The following NSD1 variants were observed in gnomAD, a reference collection of about 807,000 sequenced individuals.
NSD1 encodes the protein histone-lysine N-methyltransferase, H3 lysine-36 specific.
Under a neutral mutation model 242.7 loss-of-function variants are expected in NSD1, and 26 were observed. The observed-to-expected ratio is 0.11, with a 90% CI of 0.08 to 0.15. The LOEUF (loss-of-function observed/expected upper bound fraction) is 0.15. Ranked by LOEUF, NSD1 falls within the 10% of genes least tolerant of loss-of-function variation. The probability of loss-of-function intolerance (pLI) is 1.00; values close to 1 mark genes in which losing one functional copy is unlikely to be tolerated. For synonymous variants in NSD1, 1,106 were observed against 1,178.1 expected (o/e 0.94, Z 1.25); for missense variants, 2,495 against 3,272.8 (o/e 0.76, Z 5.80).
chr5:177,221,559 G>A (rs936398851), intron 5 of NSD1, among the ~76,000 whole-genome samples: 5 of 147,210 alleles, frequency 3.4e-5, no homozygotes, highest in African/African-American at 1.0e-4. Flanking sequence ...GCAAACTCCC[G>A]GGTTCAAGCA....
chr5:177,144,242 G>A (rs1757056076), intron 2 of NSD1, among the ~76,000 whole-genome samples: 1 of 151,176 alleles, frequency 6.6e-6, no homozygotes. Flanking sequence ...TTCTTTCTGA[G>A]ACAGGGTCTT....
intron 2 of NSD1, among the ~76,000 whole-genome samples, chr5:177,186,128 T>TAC: frequency 1.6e-5 from 2 of 124,072 alleles, no homozygotes; most frequent in Non-Finnish European, 3.2e-5. Flanking sequence ...TTATATATAA[T>TAC]ATATATATGT....
At chr5:177,194,542 C>T (rs1056719312) in intron 3 of NSD1, among the ~76,000 whole-genome samples, 7 of 146,656 alleles carry the variant, frequency 4.8e-5, no homozygotes, top group Non-Finnish European at 8.9e-5. Context: ...CTTGGCCTTC[C>T]GGAGTGCTGG....
chr5:177,261,212 G>A (rs1330521527), intron 14 of NSD1, among the ~76,000 whole-genome samples: 4 of 149,912 alleles, frequency 2.7e-5, no homozygotes, highest in Non-Finnish European at 5.9e-5. Context: ...TGGGATTACA[G>A]GCGTTCAACA....
chr5:177,136,806 G>T, intron 2 of NSD1: 2 of 597,922 alleles, frequency 3.3e-6, no homozygotes, highest in Middle Eastern at 2.6e-4. Context: ...GTTTTGTTTT[G>T]TTTTATTTTA....
chr5:177,200,611 A>C lies in NSD1; in HGVS notation c.1064-3509A>C, dbSNP rs563778803. On this transcript the variant is annotated intron_variant, in intron 3 of 22. Transcript: ENST00000439151. ...CCACTGTTCTGTGTTTTTTTTCCTTATAAATTTGACTATTTTAGATACCAC... is the reference window on the plus strand; with the variant it reads ...CCACTGTTCTGTGTTTTTTTTCCTTCTAAATTTGACTATTTTAGATACCAC... 1.2e-4 allele frequency among the ~76,000 whole-genome samples: 18 copies of C among 152,142 alleles called. No homozygotes were observed. In the South Asian group the frequency reaches 3.3e-3, roughly 28 times the overall value.
At chr5:177,265,460 C>T (rs979746886) in intron 14 of NSD1, 4 of 619,352 alleles carry the variant, frequency 6.5e-6, no homozygotes, top group Admixed American at 2.9e-5. Flanking sequence ...CCAGCCCAGG[C>T]CCCTAAAACC....
chr5:177,170,193 T>C (rs1251069839), intron 2 of NSD1, among the ~76,000 whole-genome samples: 2 of 151,566 alleles, frequency 1.3e-5, no homozygotes, highest in Admixed American at 1.3e-4. Context: ...AGGATGGTCT[T>C]GATCTCCTGA....
chr5:177,166,544 G>GAA (rs756528813), intron 2 of NSD1, among the ~76,000 whole-genome samples: 1 of 139,208 alleles, frequency 7.2e-6, no homozygotes, highest in African/African-American at 2.6e-5. Context: ...GATGCTGTCT[G>GAA]AAAAAAAAAA....
intron 8 of NSD1, 133 bp from the exon 9 acceptor site, chr5:177,244,062 T>A: frequency 7.0e-6 from 5 of 716,240 alleles, no homozygotes; most frequent in Non-Finnish European, 1.2e-5. Flanking sequence ...TGTGGTCAGG[T>A]TGATTTCTTT....
In NSD1 at chr5:177,295,052, G is replaced by A. The variant is rs778167470; in HGVS notation, c.7684G>A (p.Gly2562Arg). The change falls in exon 23 of 23, where the codon GGG becomes AGG. Residue 2562 changes from glycine to arginine, a missense_variant. Coordinates refer to ENST00000439151, the MANE Select transcript of NSD1 (RefSeq NM_022455.5). The surrounding 1 kb of genome is among the most constrained non-coding windows in gnomAD (Gnocchi z 4.3). ...TTQASGRASAGAEQTPGPLSQ... is the reference protein window; with the variant it reads ...TTQASGRASARAEQTPGPLSQ... ...TCAGGCCTCAGGAAGAGCTTCTGCA[G>A]GGGCTGAGCAGACCCCAGGGCCTCT... 3 of 1,613,598 alleles carry A rather than the reference G, an allele frequency of 1.9e-6. No individual in the cohort carries two copies. In the South Asian group the frequency reaches 3.3e-5, roughly 18 times the overall value.
chr5:177,252,277 C>CT (rs1297548984), intron 12 of NSD1, among the ~76,000 whole-genome samples: 2 of 152,152 alleles, frequency 1.3e-5, no homozygotes, highest in Non-Finnish European at 1.5e-5. Flanking sequence ...TAGGCAGTAA[C>CT]TAAGAGGGCT....
At position 177,235,376 on chromosome 5, in the gene NSD1, A is replaced by T. The variant is rs562981352; in HGVS notation, c.3797-445A>T. Among the ~76,000 whole-genome samples, 6 of 152,358 alleles carry T rather than the reference A, an allele frequency of 3.9e-5. No individual in the cohort carries two copies. In the South Asian group the frequency reaches 1.2e-3, roughly 32 times the overall value. ...TAACTTATTATATATATATGCAAAT[A>T]TTACAAAATATGAAAAATTCTAAAT... On this transcript the variant is annotated intron_variant, in intron 5 of 22. Coordinates refer to ENST00000439151, the MANE Select transcript of NSD1 (RefSeq NM_022455.5).
intron 6 of NSD1, among the ~76,000 whole-genome samples, chr5:177,237,866 G>C (rs993671849): frequency 6.6e-6 from 1 of 152,076 alleles, no homozygotes; most frequent in East Asian, 1.9e-4. Flanking sequence ...CAGTTCAGTA[G>C]CATGAAGCAC....
chr5:177,199,913 C>T (rs1196921092), intron 3 of NSD1, among the ~76,000 whole-genome samples: 1 of 151,896 alleles, frequency 6.6e-6, no homozygotes, highest in Non-Finnish European at 1.5e-5. Context: ...ATATTTTCAG[C>T]TTATAATGGG....
chr5:177,298,930 G>A lies in NSD1; in HGVS notation c.*3471G>A. ...TTGGGGTTTATCAGCCAGGTTAGAG[G>A]AGCCCAGTGTCCTAACCTCTCTCAG... On this transcript the variant is annotated 3_prime_UTR_variant, in exon 23 of 23. Coordinates refer to ENST00000439151, the MANE Select transcript of NSD1 (RefSeq NM_022455.5). The A allele has an allele frequency of 8.6e-6, 2 of 233,170 alleles. No individual in the cohort carries two copies. Among genetic ancestry groups the A allele is most frequent in the Non-Finnish European group, 1.7e-5 (2 of 117,976 alleles). 14.4% of individuals were successfully genotyped at this position (233,170 alleles called of 1,614,324 possible).
rs536487808 is a variant in NSD1, at chr5:177,264,900, G to A, written c.5147-2662G>A. 7.7e-6 allele frequency: 6 copies of A among 776,564 alleles called. No homozygotes were observed. In the South Asian group the frequency reaches 8.0e-5, roughly 10 times the overall value. 48.1% of individuals were successfully genotyped at this position (776,564 alleles called of 1,614,324 possible). On this transcript the variant is annotated intron_variant, in intron 14 of 22. Coordinates refer to ENST00000439151, the MANE Select transcript of NSD1 (RefSeq NM_022455.5). Reference sequence around the variant, plus strand: ...GTGATATTGTAGACATCAAAGGAATGGGTACTCTTCAAAAAGGAATGCCCC... The same window carrying A: ...GTGATATTGTAGACATCAAAGGAATAGGTACTCTTCAAAAAGGAATGCCCC...
In NSD1 at chr5:177,259,942, TAATA is replaced by T. The variant is rs1447304266; in HGVS notation, c.4967-46_4967-43del. On this transcript the variant is annotated intron_variant, in intron 13 of 22. Transcript: ENST00000439151. ...GAATAACTCACATTCTTTTTATATTTAATATTTTTGTTTTTCTTTTGCTTGTCCC... is the reference window on the plus strand; with the variant it reads ...GAATAACTCACATTCTTTTTATATTTTTTTTGTTTTTCTTTTGCTTGTCCC... The T allele has an allele frequency of 2.5e-6, 4 of 1,599,766 alleles. No individual in the cohort carries two copies. The African/African-American group carries it at 5.4e-5, about 21-fold the overall frequency.
chr5:177,183,061 A>G (rs1255103361), intron 2 of NSD1, among the ~76,000 whole-genome samples: 1 of 151,634 alleles, frequency 6.6e-6, no homozygotes, highest in Non-Finnish European at 1.5e-5. Flanking sequence ...ACAGGTGTGA[A>G]CCCCCACAAC....
Sources: gnomAD v4.1 joint callset for allele counts (sites outside exome capture counted in the v4.1 genomes callset) on GRCh38, gnomAD v4.1.1 for gene constraint, Gnocchi (gnomAD v3.1) non-coding constraint, MANE v1.5 for transcripts, NCBI Gene and HGNC (gene_info 2026-07-23, HGNC 2026-07-21) for gene names.